Variants in HIVEP2 observed in about 807,000 individuals in gnomAD.
The protein encoded by HIVEP2 is HIVEP zinc finger 2, also known as transcription factor HIVEP2.
HIVEP2 carries 14 observed loss-of-function variants against 180.7 expected under a neutral mutation model. The ratio of observed to expected loss-of-function variants is 0.08; its 90% CI spans 0.05 to 0.12. The LOEUF (loss-of-function observed/expected upper bound fraction) is 0.12. Ranked by LOEUF, HIVEP2 falls within the 10% of genes least tolerant of loss-of-function variation. HIVEP2 has a pLI of 1.00. For missense variants in HIVEP2, 2,579 were observed against 3,008.5 expected, an observed-to-expected ratio of 0.86 and a Z score of 3.34; for synonymous variants, 1,184 against 1,136.4, an observed-to-expected ratio of 1.04 and a Z score of -0.84.
rs1201157597 is a variant in HIVEP2, at chr6:142,771,048, G to C, written c.3691C>G (p.Pro1231Ala). The change falls in exon 5 of 10, where the codon CCA becomes GCA. Residue 1231 changes from proline (P) to alanine (A), a missense_variant. This residue lies in a region of HIVEP2 where 523 missense variants were observed against 577.0 expected (regional missense o/e 0.91). Coordinates refer to ENST00000367603, the MANE Select transcript of HIVEP2 (RefSeq NM_006734.4). The surrounding 1 kb of genome is among the most constrained non-coding windows in gnomAD (Gnocchi z 5.4). ...QQPPWWQAHF[P>A]HPFAQHPQKS... ...TGAGGGTGCTGAGCAAAGGGATGTG[G>C]GAAATGTGCCTGCCACCAGGGAGGC... 1 of 1,614,044 alleles carries C rather than the reference G, an allele frequency of 6.2e-7. No individual in the cohort carries two copies. Among genetic ancestry groups the C allele is most frequent in the Admixed American group, 1.7e-5 (1 of 59,992 alleles).
chr6:142,837,245 G>C (rs888400990), intron 1 of HIVEP2, among the ~76,000 whole-genome samples, 198 bp from the exon 2 acceptor site: 14 of 152,120 alleles, frequency 9.2e-5, no homozygotes, highest in Non-Finnish European at 4.4e-5. Context: ...TAAAATGAAT[G>C]TTCAAGCATA....
At chr6:142,777,509 G>A (rs961149244) in intron 3 of HIVEP2, among the ~76,000 whole-genome samples, 3 of 151,676 alleles carry the variant, frequency 2.0e-5, no homozygotes, top group South Asian at 2.1e-4. Context: ...TTAGCCAGGC[G>A]TGGTGGTGCA....
At chr6:142,914,713 C>A (rs1165098451) in intron 1 of HIVEP2, among the ~76,000 whole-genome samples, 4 of 152,118 alleles carry the variant, frequency 2.6e-5, no homozygotes, top group African/African-American at 4.8e-5. Context: ...CTTACTCATG[C>A]CAAAAGTCTC....
At chr6:142,914,627 T>C (rs972138076) in intron 1 of HIVEP2, among the ~76,000 whole-genome samples, 1 of 152,168 alleles carries the variant, frequency 6.6e-6, no homozygotes, top group African/African-American at 2.4e-5. Context: ...ACCTGATGTA[T>C]CCCCAGCCCT....
Position 142,927,120 on chromosome 6 carries a change from C to T in HIVEP2, c.-641+17979G>A, listed in dbSNP as rs558583663. Among the ~76,000 whole-genome samples, 467 of 152,044 alleles carry T rather than the reference C, an allele frequency of 3.1e-3. 2 individuals carry two copies. The highest frequency in any genetic ancestry group is 0.011 in the African/African-American group (452 of 41,536). The stretch of plus-strand genomic sequence containing the variant: ...ACCGGAGGCCAGCCCTGGGGCTCCG[C>T]GGGGAAGAGCTGCTCTTCCTCCCGG... On this transcript the variant is annotated intron_variant, in intron 1 of 9. Coordinates refer to ENST00000367603, the MANE Select transcript of HIVEP2 (RefSeq NM_006734.4).
chr6:142,849,059 A>C (rs892445898), intron 1 of HIVEP2, among the ~76,000 whole-genome samples: 1 of 152,182 alleles, frequency 6.6e-6, no homozygotes, highest in Non-Finnish European at 1.5e-5. Flanking sequence ...ATAATTTGCT[A>C]TTTATGTCAT....
In HIVEP2 at chr6:142,764,994, T is replaced by A; in HGVS notation, c.5343-20A>T. The A allele has an allele frequency of 6.3e-7, 1 of 1,586,736 alleles. No individual in the cohort carries two copies. Among genetic ancestry groups the A allele is most frequent in the Non-Finnish European group, 8.6e-7 (1 of 1,160,794 alleles). ...TTGTACCTGTTTTAAAAAGAGGGAA[T>A]CCAGTGTGTTTTCAAATATTCTTAG... is the stretch of plus-strand genomic sequence containing the variant. On this transcript the variant is annotated intron_variant, in intron 6 of 9. Coordinates refer to ENST00000367603, the MANE Select transcript of HIVEP2 (RefSeq NM_006734.4).
intron 3 of HIVEP2, among the ~76,000 whole-genome samples, chr6:142,777,714 G>A (rs1235510764): frequency 1.4e-5 from 2 of 142,672 alleles, no homozygotes; most frequent in African/African-American, 5.3e-5. Context: ...CAGAGGAAGA[G>A]GAAAGAAAGG....
Position 142,753,258 on chromosome 6 carries a change from A to T in HIVEP2, c.7190T>A (p.Phe2397Tyr). 6.2e-7 allele frequency: 1 copy of T among 1,614,128 alleles called. No individual in the cohort carries two copies. The highest frequency in any genetic ancestry group is 1.7e-5 in the Admixed American group (1 of 60,008). Residue 2397 changes from phenylalanine (F) to tyrosine (Y), a missense_variant, in exon 10 of 10, where the codon TTT becomes TAT. Around this residue, in one of 11 missense-constraint regions of HIVEP2, gnomAD observed 660 missense variants for 731.7 expected, o/e 0.90. Transcript: ENST00000367603. ...PDLHDGEKDN[F>Y]GTSQTPLAHS... The stretch of plus-strand genomic sequence containing the variant: ...AGCTAATGGAGTCTGTGATGTACCA[A>T]AATTGTCCTTTTCACCATCATGCAA...
At chr6:142,856,156 T>C (rs1489978064) in intron 1 of HIVEP2, among the ~76,000 whole-genome samples, 1 of 151,754 alleles carries the variant, frequency 6.6e-6, no homozygotes, top group African/African-American at 2.4e-5. Flanking sequence ...AAGGGGGAAA[T>C]GGCAGGTAAC....
chr6:142,767,025 AG>A (rs1775395898), intron 6 of HIVEP2, among the ~76,000 whole-genome samples: 1 of 152,196 alleles, frequency 6.6e-6, no homozygotes. Flanking sequence ...TTAAAGGAGG[AG>A]GAAATGAAAT....
At chr6:142,927,523 G>A (rs1263494816) in intron 1 of HIVEP2, among the ~76,000 whole-genome samples, 2 of 152,060 alleles carry the variant, frequency 1.3e-5, no homozygotes, top group East Asian at 1.9e-4. Context: ...CCCCTGAGAC[G>A]TTTCTAAAAG....
At chr6:142,782,310 T>TA (rs1200177823) in intron 3 of HIVEP2, among the ~76,000 whole-genome samples, 6 of 152,176 alleles carry the variant, frequency 3.9e-5, no homozygotes, top group African/African-American at 4.8e-5. Flanking sequence ...GTAAAATCTT[T>TA]AAAAAATACA....
chr6:142,842,558 T>G (rs779252343), intron 1 of HIVEP2, among the ~76,000 whole-genome samples: 2 of 152,180 alleles, frequency 1.3e-5, no homozygotes, highest in Non-Finnish European at 2.9e-5. Context: ...TCACACTATG[T>G]GTCAAGTTTG....
intron 9 of HIVEP2, among the ~76,000 whole-genome samples, chr6:142,754,638 C>T (rs1311958902): frequency 6.6e-6 from 1 of 152,180 alleles, no homozygotes; most frequent in Non-Finnish European, 1.5e-5. Context: ...TTAAAGGAAA[C>T]TATCCATCAT....
chr6:142,945,531 G>A (rs1295673038), upstream of HIVEP2, among the ~76,000 whole-genome samples: 1 of 152,144 alleles, frequency 6.6e-6, no homozygotes, highest in African/African-American at 2.4e-5. This position sits in a 1 kb window ranked among gnomAD's most constrained non-coding sequence, Gnocchi z 5.5. Flanking sequence ...CTCCGCTCTC[G>A]CGGTGGCCGG....
intron 1 of HIVEP2, among the ~76,000 whole-genome samples, chr6:142,893,412 T>G (rs1776908894): frequency 6.6e-6 from 1 of 152,180 alleles, no homozygotes; most frequent in Non-Finnish European, 1.5e-5. Context: ...AATTTGATAA[T>G]CTATAATCAT....
intron 1 of HIVEP2, among the ~76,000 whole-genome samples, chr6:142,928,100 G>A (rs1250111259): frequency 1.3e-5 from 2 of 152,134 alleles, no homozygotes; most frequent in East Asian, 3.8e-4. Context: ...ATGATGTGTC[G>A]ATGTAGGTTC....
chr6:142,757,039 T>C (rs925390720), intron 9 of HIVEP2, among the ~76,000 whole-genome samples: 10 of 152,172 alleles, frequency 6.6e-5, no homozygotes, highest in Admixed American at 4.6e-4. Flanking sequence ...TGCATACATA[T>C]ATATGCACAT....
Sources: gnomAD v4.1 joint callset for allele counts (sites outside exome capture counted in the v4.1 genomes callset) on GRCh38, gnomAD v4.1.1 for gene constraint, gnomAD v4.1.1 regional missense constraint, Gnocchi (gnomAD v3.1) non-coding constraint, MANE v1.5 for transcripts, NCBI Gene and HGNC (gene_info 2026-07-23, HGNC 2026-07-21) for gene names.